Variants in RNF13 observed in about 807,000 individuals in gnomAD.
The protein encoded by RNF13 is ring finger protein 13.
Under a neutral mutation model 37.7 loss-of-function variants are expected in RNF13, and 19 were observed. That is an observed-to-expected ratio of 0.50 (90% CI 0.35 to 0.74). The LOEUF is 0.74. RNF13 is among the 30% of genes least tolerant of loss of function. RNF13 has a pLI of 0.01. For synonymous variants in RNF13, 144 were observed against 157.8 expected (o/e 0.91, Z 0.65); for missense variants, 375 against 453.0 (o/e 0.83, Z 1.56).
At chr3:149,883,200 A>G (rs966432621) in intron 4 of RNF13, among the ~76,000 whole-genome samples, 3 of 152,122 alleles carry the variant, frequency 2.0e-5, no homozygotes, top group African/African-American at 7.2e-5. Flanking sequence ...CAGACTAAAC[A>G]TATTCAGCTT....
intron 6 of RNF13, among the ~76,000 whole-genome samples, chr3:149,903,401 T>C (rs879737380): frequency 6.6e-6 from 1 of 152,076 alleles, no homozygotes; most frequent in Admixed American, 6.5e-5. Context: ...AAGTAATATA[T>C]AGATACTAGC....
In RNF13 at chr3:149,958,892, T is replaced by G. The variant is rs143992925; in HGVS notation, c.701-1164T>G. Among the ~76,000 whole-genome samples, 71 of 152,332 alleles carry G rather than the reference T, an allele frequency of 4.7e-4. 1 individual carries two copies. In the East Asian group the frequency reaches 0.012, roughly 26 times the overall value. ...CAAATTCAAGGTAATGGACAAAACT[T>G]AGTAATTTTCATTAAAGCTTTCTAT... is the stretch of plus-strand genomic sequence containing the variant. On this transcript the variant is annotated intron_variant, in intron 8 of 9. Transcript: ENST00000392894.
chr3:149,898,612 G>T (rs4681557), intron 5 of RNF13, among the ~76,000 whole-genome samples: 136,459 of 152,190 alleles, frequency 0.9, 61,243 homozygotes, highest in African/African-American at 0.93. Flanking sequence ...ATTTAGTTGC[G>T]ATGAAGATTG....
At chr3:149,937,670 C>A (rs576033784) in intron 8 of RNF13, among the ~76,000 whole-genome samples, 11 of 152,160 alleles carry the variant, frequency 7.2e-5, no homozygotes, top group African/African-American at 2.6e-4. Flanking sequence ...GAGATTTCTT[C>A]TTTGACCTGC....
At chr3:149,843,738 TGG>T (rs1722386132) in intron 1 of RNF13, among the ~76,000 whole-genome samples, 1 of 152,220 alleles carries the variant, frequency 6.6e-6, no homozygotes, top group Admixed American at 6.5e-5. Flanking sequence ...GTTTAGAATG[TGG>T]ACTTTGGAAA....
At chr3:149,907,351 T>G (rs545819340) in intron 6 of RNF13, among the ~76,000 whole-genome samples, 1 of 152,350 alleles carries the variant, frequency 6.6e-6, no homozygotes, top group South Asian at 2.1e-4. Context: ...TCTCGTTTCT[T>G]TAAGTAAGAT....
intron 8 of RNF13, chr3:149,939,325 C>T: frequency 2.2e-6 from 1 of 457,654 alleles, no homozygotes; most frequent in Non-Finnish European, 4.2e-6. Flanking sequence ...TCTGCATCAG[C>T]AGCAAGTTTT....
At chr3:149,927,492 G>GTA (rs763238731) in intron 8 of RNF13, among the ~76,000 whole-genome samples, 8 of 152,136 alleles carry the variant, frequency 5.3e-5, no homozygotes, top group Non-Finnish European at 1.0e-4. Context: ...ATTATTTTGG[G>GTA]TATATACCAA....
intron 3 of RNF13, among the ~76,000 whole-genome samples, chr3:149,871,523 T>G (rs2108441045): frequency 6.6e-6 from 1 of 151,700 alleles, no homozygotes. Context: ...ATTGTTTAAA[T>G]AGTTACCTTG....
intron 3 of RNF13, among the ~76,000 whole-genome samples, chr3:149,864,113 A>G (rs1724556176): frequency 7.0e-6 from 1 of 143,740 alleles, no homozygotes; most frequent in Admixed American, 7.5e-5. Flanking sequence ...CTTATGTTGA[A>G]ATCTGATCCC....
At position 149,902,157 on chromosome 3, in the gene RNF13, A is replaced by C; in HGVS notation, c.495A>C (p.Glu165Asp). ...CTCTGAAAGATGAATTCACATATGA[A>C]AAAGGGTAAGTAATGGATATAAAAA... ...ANSLKDEFTYEKGGHLILVPE... is the reference protein window; with the variant it reads ...ANSLKDEFTYDKGGHLILVPE... The change falls in exon 6 of 10, where the codon GAA (glutamate) becomes GAC (aspartate). Residue 165 changes from glutamate to aspartate, a missense_variant. Transcript: ENST00000392894. 3 of 1,456,144 alleles carry C rather than the reference A, an allele frequency of 2.1e-6. No homozygotes were observed. The highest frequency in any genetic ancestry group is 2.8e-6 in the Non-Finnish European group (3 of 1,072,534). 90.2% of individuals were successfully genotyped at this position (1,456,144 alleles called of 1,614,324 possible). A position where few individuals can be genotyped will look rare whatever the true frequency, so the allele number is the denominator to read the frequency against.
intron 3 of RNF13, among the ~76,000 whole-genome samples, chr3:149,853,908 C>T (rs961996851): frequency 4.7e-4 from 69 of 147,908 alleles, no homozygotes; most frequent in African/African-American, 1.4e-3. Context: ...ACAATCTTGG[C>T]TCACTGCAAC....
chr3:149,937,744 T>A (rs1234461690), intron 8 of RNF13, among the ~76,000 whole-genome samples: 4 of 152,188 alleles, frequency 2.6e-5, no homozygotes, highest in African/African-American at 9.6e-5. Context: ...TATCTGTATT[T>A]ATATATTATT....
At chr3:149,839,464 C>T (rs1331293301) in intron 1 of RNF13, among the ~76,000 whole-genome samples, 2 of 142,686 alleles carry the variant, frequency 1.4e-5, no homozygotes, top group African/African-American at 5.3e-5. Flanking sequence ...AATGGACTGA[C>T]AGCTCTACAT....
intron 3 of RNF13, among the ~76,000 whole-genome samples, chr3:149,867,805 CT>C (rs1365116312): frequency 2.0e-5 from 3 of 151,780 alleles, no homozygotes; most frequent in Non-Finnish European, 2.9e-5. Flanking sequence ...TGAGTTAGGA[CT>C]TTTACTGCCA....
At chr3:149,871,886 C>A in intron 3 of RNF13, 143 bp from the exon 4 acceptor site, 3 of 510,356 alleles carry the variant, frequency 5.9e-6, no homozygotes, top group South Asian at 5.7e-5. Context: ...TTAGAAGTTC[C>A]GTGATTGTGA....
chr3:149,860,133 G>C (rs1724064954), intron 3 of RNF13, among the ~76,000 whole-genome samples: 1 of 151,302 alleles, frequency 6.6e-6, no homozygotes, highest in Non-Finnish European at 1.5e-5. Context: ...GGGCATGGTG[G>C]TGGGCACCTG....
intron 4 of RNF13, among the ~76,000 whole-genome samples, chr3:149,886,092 TA>T (rs1713999497): frequency 6.6e-6 from 1 of 152,200 alleles, no homozygotes. Context: ...TTGTTCTGTG[TA>T]TCTTTTTATG....
At chr3:149,937,886 G>A (rs1178174560) in intron 8 of RNF13, among the ~76,000 whole-genome samples, 1 of 152,032 alleles carries the variant, frequency 6.6e-6, no homozygotes, top group Admixed American at 6.6e-5. Context: ...AGCTGGAAAG[G>A]AATGTATATT....
Sources: allele counts gnomAD v4.1 joint callset (sites outside exome capture counted in the v4.1 genomes callset), GRCh38; gene constraint gnomAD v4.1.1; transcripts MANE v1.5; gene names NCBI Gene and HGNC (gene_info 2026-07-23, HGNC 2026-07-21).